NRXN3: variants seen among roughly 807,000 people sequenced by gnomAD.
NRXN3 encodes neurexin 3, also known as neurexin III.
Under a neutral mutation model 137.6 loss-of-function variants are expected in NRXN3, and 32 were observed. The observed-to-expected ratio is 0.23, with a 90% CI of 0.18 to 0.31. The LOEUF (loss-of-function observed/expected upper bound fraction) is 0.31, where lower values mean the gene tolerates loss of function less well. NRXN3 is among the 10% of genes least tolerant of loss of function. The pLI is 1.00. For synonymous variants in NRXN3, 798 were observed against 784.5 expected (o/e 1.02, Z -0.29); for missense variants, 1,574 against 2,062.5 (o/e 0.76, Z 4.59).
At chr14:78,615,775 C>A (rs79464078) in intron 4 of NRXN3, among the ~76,000 whole-genome samples, 2,461 of 151,538 alleles carry the variant, frequency 0.016, 71 homozygotes, top group African/African-American at 0.057. Flanking sequence ...TCTCTACCCC[C>A]AAAAAAAACA....
intron 15 of NRXN3, among the ~76,000 whole-genome samples, chr14:79,071,871 C>T (rs958187775): frequency 6.6e-6 from 1 of 152,106 alleles, no homozygotes; most frequent in Non-Finnish European, 1.5e-5. Context: ...ATGGCTACCC[C>T]ATTTACCCTG....
chr14:79,391,000 G>A (rs558919849), intron 15 of NRXN3, among the ~76,000 whole-genome samples: 1 of 152,218 alleles, frequency 6.6e-6, no homozygotes, highest in South Asian at 2.1e-4. Flanking sequence ...AGGCAGCAAG[G>A]AGTCCCTTGC....
At chr14:78,866,533 T>C (rs1200082587) in intron 10 of NRXN3, among the ~76,000 whole-genome samples, 1 of 152,138 alleles carries the variant, frequency 6.6e-6, no homozygotes, top group Non-Finnish European at 1.5e-5. Context: ...TTTTAGCACT[T>C]GTTGGGGAAA....
At chr14:79,832,286 T>G (rs1603617939) in intron 20 of NRXN3, among the ~76,000 whole-genome samples, 1 of 152,320 alleles carries the variant, frequency 6.6e-6, no homozygotes, top group East Asian at 1.9e-4. Flanking sequence ...TTATCTATGT[T>G]AGTGATGTTC....
chr14:79,358,792 C>T (rs534764458), intron 15 of NRXN3, among the ~76,000 whole-genome samples: 5 of 152,076 alleles, frequency 3.3e-5, no homozygotes, highest in East Asian at 3.9e-4. Context: ...ACTGTTTGAC[C>T]GTCACATCCT....
intron 15 of NRXN3, among the ~76,000 whole-genome samples, chr14:79,077,622 A>G (rs1328851316): frequency 6.6e-6 from 1 of 152,202 alleles, no homozygotes; most frequent in Admixed American, 6.5e-5. Flanking sequence ...CAAATGAGTA[A>G]GGTTGAAAAT....
At chr14:78,359,575 T>C (rs1300611328) in intron 4 of NRXN3, among the ~76,000 whole-genome samples, 3 of 152,078 alleles carry the variant, frequency 2.0e-5, no homozygotes, top group Admixed American at 1.3e-4. Flanking sequence ...AACATCCCCA[T>C]ATAAGAAACA....
intron 15 of NRXN3, among the ~76,000 whole-genome samples, chr14:78,990,423 G>A (rs1232748353): frequency 7.1e-6 from 1 of 141,466 alleles, no homozygotes; most frequent in East Asian, 2.1e-4. Context: ...CCGGGCTGGA[G>A]TGCAGTGGCA....
intron 17 of NRXN3, chr14:79,668,999 G>C (rs1423931947): frequency 6.6e-6 from 1 of 151,916 alleles, no homozygotes; most frequent in Non-Finnish European, 1.5e-5. Flanking sequence ...CTATGTACTT[G>C]ACATGATGCT....
At chr14:79,044,535 G>T (rs1460256628) in intron 15 of NRXN3, among the ~76,000 whole-genome samples, 2 of 152,156 alleles carry the variant, frequency 1.3e-5, no homozygotes, top group Non-Finnish European at 2.9e-5. Flanking sequence ...ATAGCACAAT[G>T]GCTGGCCCAT....
At chr14:78,535,904 G>C (rs756975644) in intron 4 of NRXN3, among the ~76,000 whole-genome samples, 13 of 152,190 alleles carry the variant, frequency 8.5e-5, no homozygotes, top group Non-Finnish European at 1.8e-4. Context: ...GGATGCCATT[G>C]ATGTTGGGTA....
At chr14:79,685,102 G>A (rs965394984) in intron 17 of NRXN3, among the ~76,000 whole-genome samples, 1 of 152,162 alleles carries the variant, frequency 6.6e-6, no homozygotes, top group Non-Finnish European at 1.5e-5. Flanking sequence ...CAAAAATTCT[G>A]TAGGGAAGTA....
At chr14:78,432,728 T>TTTCCTGACAGACTGGCAGGTA (rs1401017711) in intron 4 of NRXN3, among the ~76,000 whole-genome samples, 4 of 152,198 alleles carry the variant, frequency 2.6e-5, no homozygotes, top group South Asian at 2.1e-4. Flanking sequence ...TCTCTTGTCA[T>TTTCCTGACAGACTGGCAGGTA]TTCCTGACAG....
At chr14:79,000,703 G>A (rs889364281) in intron 15 of NRXN3, among the ~76,000 whole-genome samples, 1 of 152,124 alleles carries the variant, frequency 6.6e-6, no homozygotes, top group Admixed American at 6.6e-5. Context: ...TGCTGCTGGT[G>A]GAGGTTGCGG....
At chr14:79,765,759 G>T (rs2099053812) in intron 19 of NRXN3, among the ~76,000 whole-genome samples, 1 of 152,190 alleles carries the variant, frequency 6.6e-6, no homozygotes, top group Non-Finnish European at 1.5e-5. Context: ...GGGTCATTCT[G>T]TCCAGGAACT....
chr14:78,252,908 TG>T (rs1178382062), intron 2 of NRXN3, among the ~76,000 whole-genome samples: 1 of 152,200 alleles, frequency 6.6e-6, no homozygotes, highest in Non-Finnish European at 1.5e-5. Flanking sequence ...ATCCACATCA[TG>T]GGGAAAGGGC....
intron 15 of NRXN3, among the ~76,000 whole-genome samples, chr14:79,027,856 T>C (rs111585773): frequency 1.6e-4 from 24 of 152,212 alleles, no homozygotes; most frequent in African/African-American, 5.3e-4. Flanking sequence ...CTTCCCCTCT[T>C]CCCCCACAAA....
At chr14:79,585,323 G>A (rs1211237292) in intron 16 of NRXN3, among the ~76,000 whole-genome samples, 1 of 152,132 alleles carries the variant, frequency 6.6e-6, no homozygotes, top group Non-Finnish European at 1.5e-5. Context: ...TATAGTAACT[G>A]GAAGGACATG....
At chr14:78,408,590 C>T (rs983862490) in intron 4 of NRXN3, among the ~76,000 whole-genome samples, 2 of 152,198 alleles carry the variant, frequency 1.3e-5, no homozygotes, top group Non-Finnish European at 2.9e-5. Context: ...AACAGAAACA[C>T]CTAGTTGACA....
Sources: allele counts gnomAD v4.1 joint callset (sites outside exome capture counted in the v4.1 genomes callset), GRCh38; gene constraint gnomAD v4.1.1; transcripts MANE v1.5; gene names NCBI Gene and HGNC (gene_info 2026-07-23, HGNC 2026-07-21).